SFMBT2: variants seen among roughly 807,000 people sequenced by gnomAD.
The protein encoded by SFMBT2 is scm-like with four MBT domains protein 2.
Under a neutral mutation model 110.1 loss-of-function variants are expected in SFMBT2, and 38 were observed. That is an observed-to-expected ratio of 0.35 (90% CI 0.27 to 0.45). The LOEUF (loss-of-function observed/expected upper bound fraction) is 0.45. SFMBT2 is among the 20% of genes least tolerant of loss of function. SFMBT2 has a pLI of 1.00. For synonymous variants in SFMBT2, 425 were observed against 425.4 expected (o/e 1.00, Z 0.01); for missense variants, 1,011 against 1,094.9 (o/e 0.92, Z 1.08).
Position 7,205,690 on chromosome 10 carries a change from C to A in SFMBT2, c.1444+125G>T, listed in dbSNP as rs918565886. The A allele has an allele frequency of 3.5e-6, 5 of 1,418,336 alleles. No individual in the cohort carries two copies. The African/African-American group carries it at 7.2e-5, about 21-fold the overall frequency. The allele number at this position is 1,418,336 out of a possible 1,614,324, so 87.9% of individuals were successfully genotyped here. A position where few individuals can be genotyped will look rare whatever the true frequency, so the allele number is the denominator to read the frequency against. On this transcript the variant is annotated intron_variant, in intron 12 of 20. Coordinates refer to ENST00000397167, the MANE Select transcript of SFMBT2 (RefSeq NM_001387889.1). ...AAGCGAGATCATGAAAACATGGGTT[C>A]TTGGTGGAAAATCAAAAATCTTATT...
In SFMBT2 at chr10:7,204,837, C is replaced by T. The variant is rs542771465; in HGVS notation, c.1444+978G>A. 133 of 576,598 alleles carry T rather than the reference C, an allele frequency of 2.3e-4. No homozygotes were observed. In the African/African-American group the frequency reaches 2.6e-3, roughly 11 times the overall value. The allele number at this position is 576,598 out of a possible 1,614,324, so 35.7% of individuals were successfully genotyped here. A position where few individuals can be genotyped will look rare whatever the true frequency, so the allele number is the denominator to read the frequency against. ...GCAGAGAGCCGAGATAGCGCCATTG[C>T]ACTCCAGCCTGGGCAACAAGAGCGA... On this transcript the variant is annotated intron_variant, in intron 12 of 20. Coordinates refer to ENST00000397167, the MANE Select transcript of SFMBT2 (RefSeq NM_001387889.1).
At chr10:7,223,443 T>A (rs1284276774) in intron 10 of SFMBT2, among the ~76,000 whole-genome samples, 1 of 152,212 alleles carries the variant, frequency 6.6e-6, no homozygotes, top group East Asian at 1.9e-4. Flanking sequence ...ATGTCTTTTT[T>A]AATTCTTATT....
intron 4 of SFMBT2, among the ~76,000 whole-genome samples, chr10:7,361,797 T>C (rs984355943): frequency 6.6e-6 from 1 of 152,226 alleles, no homozygotes; most frequent in Non-Finnish European, 1.5e-5. Context: ...CGTCTCCATT[T>C]ACAAGCCAAG....
rs1044295202 is a variant in SFMBT2 at position 7,293,441 on chromosome 10, G to A, written c.437-7487C>T. On this transcript the variant is annotated intron_variant, in intron 4 of 20. Transcript: ENST00000397167. The surrounding 1 kb of genome is among the most constrained non-coding windows in gnomAD (Gnocchi z 4.6). The stretch of plus-strand genomic sequence containing the variant: ...TGTGAAGGTAAAGCTAATGGGATTC[G>A]CTGATGGGCTACAAGAGAAGTAGAA... 1.3e-5 allele frequency among the ~76,000 whole-genome samples: 2 copies of A among 152,104 alleles called. No homozygotes were observed. Among genetic ancestry groups the A allele is most frequent in the South Asian group, 2.1e-4 (1 of 4,816 alleles).
chr10:7,197,600 G>C lies in SFMBT2; in HGVS notation c.1646C>G (p.Ala549Gly), dbSNP rs571445543. 1 of 1,614,236 alleles carries C rather than the reference G, an allele frequency of 6.2e-7. No homozygotes were observed. The highest frequency in any genetic ancestry group is 1.3e-5 in the African/African-American group (1 of 75,066). Residue 549 changes from alanine (A) to glycine (G), a missense_variant, in exon 15 of 21, where the codon GCA becomes GGA. Transcript: ENST00000397167. ...CGGTCCCACCGACTGAGGTAGCTCTGCAATCCTTCCTTTGTTCAGGTAAGG... is the reference window on the plus strand; with the variant it reads ...CGGTCCCACCGACTGAGGTAGCTCTCCAATCCTTCCTTTGTTCAGGTAAGG... Reference protein sequence around the residue: ...SGPYLNKGRIAELPQSVGPGK... With the variant: ...SGPYLNKGRIGELPQSVGPGK...
chr10:7,301,516 A>G lies in SFMBT2; in HGVS notation c.437-15562T>C, dbSNP rs184285908. Among the ~76,000 whole-genome samples the G allele has an allele frequency of 4.9e-3, 747 of 152,322 alleles. 33 individuals carry two copies. Among genetic ancestry groups the G allele is most frequent in the Admixed American group, 0.046 (710 of 15,302 alleles). On this transcript the variant is annotated intron_variant, in intron 4 of 20. Coordinates refer to ENST00000397167, the MANE Select transcript of SFMBT2 (RefSeq NM_001387889.1). The surrounding 1 kb of genome is among the most constrained non-coding windows in gnomAD (Gnocchi z 4.2). ...CTGGGCTGTATCTGCACACTCAGCC[A>G]TCGGCAGTTAGTGGCACACTTTCCA... is the stretch of plus-strand genomic sequence containing the variant.
intron 4 of SFMBT2, among the ~76,000 whole-genome samples, chr10:7,310,223 C>G (rs1057269869): frequency 2.6e-5 from 4 of 152,186 alleles, no homozygotes; most frequent in Non-Finnish European, 5.9e-5. Context: ...ATTCGGTACA[C>G]AGAAAGACCT....
intron 4 of SFMBT2, among the ~76,000 whole-genome samples, chr10:7,340,239 T>C (rs75238119): frequency 0.025 from 3,778 of 152,192 alleles, 78 homozygotes; most frequent in South Asian, 0.044. Context: ...ATTCATTCAG[T>C]GGAAGCGGAT....
chr10:7,176,536 T>C (rs1285986983), intron 16 of SFMBT2: 1 of 985,050 alleles, frequency 1.0e-6, no homozygotes. Flanking sequence ...TGCTATCATA[T>C]TTCATTTTTG....
intron 9 of SFMBT2, among the ~76,000 whole-genome samples, chr10:7,233,165 G>A (rs1840157692): frequency 6.6e-6 from 1 of 152,106 alleles, no homozygotes. Flanking sequence ...TATCTACCTG[G>A]CTGGCAGAAT....
At chr10:7,202,687 A>C (rs1200350956) in intron 12 of SFMBT2, 165 bp from the exon 13 acceptor site, 1 of 985,310 alleles carries the variant, frequency 1.0e-6, no homozygotes. Context: ...TTCTTCTAGC[A>C]TAGGATAGAC....
intron 7 of SFMBT2, among the ~76,000 whole-genome samples, chr10:7,256,079 T>C (rs113589482): frequency 2.6e-5 from 4 of 152,206 alleles, no homozygotes; most frequent in African/African-American, 9.6e-5. Flanking sequence ...ATTGTCATTT[T>C]CTGCTGACAC....
At chr10:7,195,936 GGTTTCTTCTAAACT>G (rs1248604572) in intron 15 of SFMBT2, among the ~76,000 whole-genome samples, 1 of 152,048 alleles carries the variant, frequency 6.6e-6, no homozygotes, top group Non-Finnish European at 1.5e-5. Flanking sequence ...ATTTCTGACA[GGTTTCTTCTAAACT>G]GTAACCTCTA....
chr10:7,268,427 T>C (rs1841463189), intron 7 of SFMBT2, among the ~76,000 whole-genome samples: 1 of 152,160 alleles, frequency 6.6e-6, no homozygotes, highest in Non-Finnish European at 1.5e-5. Context: ...TGAGTGGACA[T>C]TGGGATATGT....
intron 3 of SFMBT2, among the ~76,000 whole-genome samples, chr10:7,369,499 TG>T: frequency 6.6e-6 from 1 of 152,348 alleles, no homozygotes; most frequent in Middle Eastern, 3.4e-3. Context: ...TTCTGGGACT[TG>T]CCCAGTGCTG....
chr10:7,214,451 C>T (rs1165828313), intron 11 of SFMBT2: 3 of 602,504 alleles, frequency 5.0e-6, no homozygotes, highest in Non-Finnish European at 4.2e-6. Flanking sequence ...TGGGAAGATG[C>T]CACCGGACAA....
intron 1 of SFMBT2, among the ~76,000 whole-genome samples, chr10:7,405,217 T>C (rs539368548): frequency 6.6e-6 from 1 of 152,340 alleles, no homozygotes; most frequent in African/African-American, 2.4e-5. Flanking sequence ...ATCATAAACA[T>C]GGACCCATGA....
At chr10:7,178,520 G>GT (rs1362177573) in intron 16 of SFMBT2, among the ~76,000 whole-genome samples, 2 of 152,170 alleles carry the variant, frequency 1.3e-5, no homozygotes, top group Admixed American at 1.3e-4. Flanking sequence ...TTCCTTAAAC[G>GT]TAACTATTTA....
chr10:7,291,552 G>A (rs1244965981), intron 4 of SFMBT2, among the ~76,000 whole-genome samples: 3 of 152,074 alleles, frequency 2.0e-5, no homozygotes, highest in Non-Finnish European at 4.4e-5. Flanking sequence ...CTGTTTTGTT[G>A]TTTCTTCATC....
Sources: gnomAD v4.1 joint callset for allele counts (sites outside exome capture counted in the v4.1 genomes callset) on GRCh38, gnomAD v4.1.1 for gene constraint, Gnocchi (gnomAD v3.1) non-coding constraint, MANE v1.5 for transcripts, NCBI Gene and HGNC (gene_info 2026-07-23, HGNC 2026-07-21) for gene names.